KIAA0586: variants seen among roughly 807,000 people sequenced by gnomAD.
KIAA0586 encodes KIAA0586, also known as protein TALPID3.
Under a neutral mutation model 169.8 loss-of-function variants are expected in KIAA0586, and 144 were observed. The ratio of observed to expected loss-of-function variants is 0.85; its 90% confidence interval spans 0.74 to 0.97. KIAA0586 has a LOEUF of 0.97. Ranked by LOEUF, KIAA0586 falls within the 50% of genes least tolerant of loss-of-function variation. The pLI is 0.00. For synonymous variants in KIAA0586, 625 were observed against 612.4 expected (o/e 1.02, Z -0.30); for missense variants, 1,854 against 1,823.0 (o/e 1.02, Z -0.31).
chr14:58,539,153 C>G (rs1007955051), intron 29 of KIAA0586, among the ~76,000 whole-genome samples: 1 of 152,164 alleles, frequency 6.6e-6, no homozygotes, highest in Non-Finnish European at 1.5e-5. Flanking sequence ...GTTTATTTCA[C>G]TTAATGACCT....
intron 17 of KIAA0586, among the ~76,000 whole-genome samples, chr14:58,470,938 G>A (rs184984741): frequency 6.6e-6 from 1 of 151,820 alleles, no homozygotes; most frequent in East Asian, 1.9e-4. Context: ...TGCAACCTCC[G>A]CCTCCCGGGT....
chr14:58,463,826 T>TAAAAA, intron 14 of KIAA0586: 1 of 209,334 alleles, frequency 4.8e-6, no homozygotes, highest in Non-Finnish European at 9.7e-6. Flanking sequence ...ACCCTGTCTC[T>TAAAAA]AAAAAAAAAA....
chr14:58,442,370 A>G (rs1047454457), intron 4 of KIAA0586, among the ~76,000 whole-genome samples: 5 of 152,244 alleles, frequency 3.3e-5, no homozygotes, highest in Non-Finnish European at 5.9e-5. Context: ...GGCCTCCCAA[A>G]TTGGGATTAC....
chr14:58,510,738 G>A (rs931489703), intron 28 of KIAA0586, among the ~76,000 whole-genome samples: 6 of 152,056 alleles, frequency 3.9e-5, no homozygotes, highest in African/African-American at 1.4e-4. Context: ...TCAATCAACT[G>A]GTAAATGGAC....
Position 58,444,072 on chromosome 14 carries a change from A to G in KIAA0586, c.704A>G (p.Gln235Arg). 1.9e-6 allele frequency: 3 copies of G among 1,613,570 alleles called. No homozygotes were observed. The highest frequency in any genetic ancestry group is 2.5e-6 in the Non-Finnish European group (3 of 1,179,612). ...CAGCAAACAAGCATTCAGAGGAAAC[A>G]AGAGAAATTACATTGTCATGATCAC... ...TEQQTSIQRK[Q>R]EKLHCHDHEK... Residue 235 changes from glutamine to arginine, a missense_variant, in exon 6 of 31, where the codon CAA becomes CGA. Transcript: ENST00000652326.
intron 13 of KIAA0586, among the ~76,000 whole-genome samples, 199 bp from the exon 14 acceptor site, chr14:58,460,787 A>G (rs571590304): frequency 1.5e-4 from 23 of 152,270 alleles, no homozygotes; most frequent in Admixed American, 9.8e-4. Context: ...TCTTAGGTGG[A>G]TGATTTTTAT....
At chr14:58,514,170 A>T (rs1332282844) in intron 29 of KIAA0586, among the ~76,000 whole-genome samples, 2 of 152,116 alleles carry the variant, frequency 1.3e-5, no homozygotes, top group East Asian at 3.8e-4. Context: ...GGCAAATATA[A>T]TCAGTTATGA....
At chr14:58,496,288 T>TTC (rs2043153179) in intron 26 of KIAA0586, among the ~76,000 whole-genome samples, 1 of 152,178 alleles carries the variant, frequency 6.6e-6, no homozygotes, top group Non-Finnish European at 1.5e-5. Context: ...TACTTATGAG[T>TTC]ATGAGACCAT....
chr14:58,451,357 G>GCA (rs2039372035), intron 8 of KIAA0586, among the ~76,000 whole-genome samples: 1 of 151,976 alleles, frequency 6.6e-6, no homozygotes, highest in Non-Finnish European at 1.5e-5. Context: ...CTCCTGAGTA[G>GCA]CTGGGACTAC....
At chr14:58,513,672 A>G (rs993949553) in intron 29 of KIAA0586, among the ~76,000 whole-genome samples, 2 of 151,964 alleles carry the variant, frequency 1.3e-5, no homozygotes, top group African/African-American at 4.8e-5. Context: ...AGAATTAATC[A>G]TGATAGTATA....
At chr14:58,512,462 C>T in intron 28 of KIAA0586, 60 bp from the exon 29 acceptor site, 2 of 905,008 alleles carry the variant, frequency 2.2e-6, no homozygotes, top group South Asian at 1.9e-5. Flanking sequence ...AATTTGACTT[C>T]TCAGATTTTT....
chr14:58,490,874 A>G (rs1446091758), intron 25 of KIAA0586, among the ~76,000 whole-genome samples: 2 of 152,134 alleles, frequency 1.3e-5, no homozygotes, highest in Non-Finnish European at 2.9e-5. Flanking sequence ...ACTATCATCT[A>G]TGTTTATTCA....
chr14:58,466,472 A>G (rs1333867948), intron 15 of KIAA0586, among the ~76,000 whole-genome samples: 6 of 152,140 alleles, frequency 3.9e-5, no homozygotes, highest in South Asian at 2.1e-4. Flanking sequence ...ACAGTGGCTC[A>G]TGCCTTTAAT....
intron 6 of KIAA0586, 35 bp from the exon 7 acceptor site, chr14:58,448,305 A>G: frequency 7.6e-7 from 1 of 1,318,834 alleles, no homozygotes; most frequent in Non-Finnish European, 1.1e-6. Context: ...TTCAAATGAT[A>G]TTTGAAAATA....
the KIAA0586 span, among the ~76,000 whole-genome samples, chr14:58,558,833 G>A: frequency 6.6e-6 from 1 of 152,338 alleles, no homozygotes; most frequent in African/African-American, 2.4e-5. Flanking sequence ...GGTACAAGTA[G>A]AAGTAGTCCT....
intron 15 of KIAA0586, among the ~76,000 whole-genome samples, chr14:58,467,391 C>G (rs1236284155): frequency 6.6e-6 from 1 of 152,188 alleles, no homozygotes; most frequent in Non-Finnish European, 1.5e-5. Flanking sequence ...TCAACAAGTA[C>G]ACTGTACTAC....
rs2045207321 is a variant in KIAA0586, at chr14:58,521,292, A to G, written c.4429+8665A>G. On this transcript the variant is annotated intron_variant, in intron 29 of 30. Transcript: ENST00000652326. The stretch of plus-strand genomic sequence containing the variant: ...CTCCCGTGTGTTCATTGGGAATCTC[A>G]ACACTCTTGTGCTCCAGAAATCTGA... The G allele has an allele frequency of 3.5e-6, 4 of 1,144,922 alleles. No individual in the cohort carries two copies. The Admixed American group carries it at 5.3e-5, about 15-fold the overall frequency. 70.9% of individuals were successfully genotyped at this position (1,144,922 alleles called of 1,614,324 possible).
chr14:58,474,788 T>G lies in KIAA0586; in HGVS notation c.2816T>G (p.Leu939Ter), dbSNP rs2041480921. 6 of 1,593,974 alleles carry G rather than the reference T, an allele frequency of 3.8e-6. No individual in the cohort carries two copies. The East Asian group carries it at 1.3e-4, about 36-fold the overall frequency. Residue 939 changes from leucine to a stop codon, truncating the protein, a stop_gained, in exon 19 of 31, where the codon TTA becomes TGA. Coordinates refer to ENST00000652326, the MANE Select transcript of KIAA0586 (RefSeq NM_001329943.3). LOFTEE classifies it high-confidence loss of function. ...AGAAAAGAAACACTGGAAAATAGCT[T>G]AATTCAATGGTAAGTTTATAATGTT... ...IERKETLENS[L>*]IQWVEQEIMS... is the part of the protein sequence containing the mutation.
chr14:58,530,255 G>C (rs563099414), intron 29 of KIAA0586, among the ~76,000 whole-genome samples: 14 of 152,238 alleles, frequency 9.2e-5, no homozygotes, highest in Non-Finnish European at 1.5e-4. Flanking sequence ...TTGTGAAAAA[G>C]ACCATACTGC....
Sources: allele counts gnomAD v4.1 joint callset (sites outside exome capture counted in the v4.1 genomes callset), GRCh38; gene constraint gnomAD v4.1.1; transcripts MANE v1.5; gene names NCBI Gene and HGNC (gene_info 2026-07-23, HGNC 2026-07-21).